DIS3L: variants seen among roughly 807,000 people sequenced by gnomAD.
DIS3L encodes DIS3-like exonuclease 1.
DIS3L carries 100 observed loss-of-function variants against 120.3 expected under a neutral mutation model. The ratio of observed to expected loss-of-function variants is 0.83; its 90% CI spans 0.71 to 0.98. DIS3L has a LOEUF of 0.98. DIS3L is among the 50% of genes least tolerant of loss of function. The pLI is 0.00. For missense variants in DIS3L, 1,196 were observed against 1,314.2 expected, an observed-to-expected ratio of 0.91 and a Z score of 1.39; for synonymous variants, 426 against 470.6, an observed-to-expected ratio of 0.91 and a Z score of 1.23.
chr15:66,293,647 C>A lies in DIS3L; in HGVS notation c.51C>A (p.Arg17=). The change falls in exon 1 of 17, where the codon CGC becomes CGA. Residue 17 remains arginine (R), a synonymous_variant. Transcript: ENST00000319212. The stretch of plus-strand genomic sequence containing the variant: ...TGCTGCTGAGGACCTTCCAGGGCCG[C>A]ACGCTGCGGATCGTGCGCGAGCACT... ...KVLLLRTFQG[R]TLRIVREHYL... The A allele has an allele frequency of 6.9e-7, 1 of 1,439,644 alleles. No homozygotes were observed. The allele number at this position is 1,439,644 out of a possible 1,614,324, so 89.2% of individuals were successfully genotyped here.
At position 66,322,824 on chromosome 15, in the gene DIS3L, A is replaced by G; in HGVS notation, c.1464A>G (p.Thr488=). 2 of 1,614,164 alleles carry G rather than the reference A, an allele frequency of 1.2e-6. No individual in the cohort carries two copies. The highest frequency in any genetic ancestry group is 1.7e-6 in the Non-Finnish European group (2 of 1,180,018). ...DPKGCEDVDD[T]LSVRTLNNGN... ...AAGGTTGTGAAGATGTGGATGACAC[A>G]CTCTCAGTCAGAACCTTAAATAATG... Residue 488 remains threonine, a synonymous_variant, in exon 10 of 17, where the codon ACA becomes ACG. Transcript: ENST00000319212.
intron 3 of DIS3L, among the ~76,000 whole-genome samples, chr15:66,307,382 G>A (rs545597377): frequency 6.6e-6 from 1 of 151,416 alleles, no homozygotes; most frequent in Non-Finnish European, 1.5e-5. Flanking sequence ...CTGCAGCCTC[G>A]ACCTCCTGAG....
intron 2 of DIS3L, among the ~76,000 whole-genome samples, chr15:66,300,498 C>G (rs768263499): frequency 2.0e-5 from 3 of 152,126 alleles, no homozygotes; most frequent in Non-Finnish European, 4.4e-5. Context: ...ATAACTGTGA[C>G]TATACTAAAA....
At chr15:66,294,253 CTG>C in intron 1 of DIS3L, 1 of 985,478 alleles carries the variant, frequency 1.0e-6, no homozygotes, top group Non-Finnish European at 1.2e-6. Context: ...TGTGAACTCT[CTG>C]GGCCCGCACT....
intron 5 of DIS3L, 63 bp downstream of exon 5, chr15:66,311,963 C>A: frequency 1.3e-6 from 2 of 1,580,320 alleles, no homozygotes; most frequent in Non-Finnish European, 8.6e-7. Flanking sequence ...GTAATCCCAG[C>A]ACTTTGGCTA....
In DIS3L at chr15:66,293,622, T is replaced by G. The variant is rs1432304961; in HGVS notation, c.26T>G (p.Leu9Arg). The G allele has an allele frequency of 6.9e-7, 1 of 1,447,154 alleles. No individual in the cohort carries two copies. Among genetic ancestry groups the G allele is most frequent in the African/African-American group, 1.5e-5 (1 of 67,392 alleles). The allele number at this position is 1,447,154 out of a possible 1,614,324, so 89.6% of individuals were successfully genotyped here. MLQKREKV[L>R]LLRTFQGRTL... ...ATGCTGCAGAAGCGGGAGAAGGTGC[T>G]GCTGCTGAGGACCTTCCAGGGCCGC... The change falls in exon 1 of 17, where the codon CTG (leucine) becomes CGG (arginine). Residue 9 changes from leucine (L) to arginine (R), a missense_variant. Physicochemically the swap from Leu to Arg is moderately radical, Grantham distance 102 (BLOSUM62 -2). Coordinates refer to ENST00000319212, the MANE Select transcript of DIS3L (RefSeq NM_001143688.3).
chr15:66,304,265 A>G (rs1006303671), intron 2 of DIS3L, among the ~76,000 whole-genome samples: 2 of 151,964 alleles, frequency 1.3e-5, no homozygotes, highest in African/African-American at 2.4e-5. Flanking sequence ...AGCCTGGGCA[A>G]CATGACAAGA....
rs540675923 is a variant in DIS3L at position 66,333,445 on chromosome 15, T to A, written c.*133T>A. On this transcript the variant is annotated 3_prime_UTR_variant, in exon 17 of 17. Transcript: ENST00000319212. ...GCTATTTCGCATATATGTAAAATGTTCTCAGCCGGGCACGGTGGCTCACGC... is the reference window on the plus strand; with the variant it reads ...GCTATTTCGCATATATGTAAAATGTACTCAGCCGGGCACGGTGGCTCACGC... 4.8e-6 allele frequency: 5 copies of A among 1,041,192 alleles called. No homozygotes were observed. In the East Asian group the frequency reaches 1.1e-4, roughly 22 times the overall value. 64.5% of individuals were successfully genotyped at this position (1,041,192 alleles called of 1,614,324 possible).
Position 66,333,209 on chromosome 15 carries a change from A to T in DIS3L, c.3062A>T (p.Glu1021Val), listed in dbSNP as rs753402517. The change falls in exon 17 of 17, where the codon GAA becomes GTA. Residue 1021 changes from glutamate to valine, a missense_variant. Physicochemically the swap from Glu to Val is moderately radical, Grantham distance 121 (BLOSUM62 -2). Coordinates refer to ENST00000319212, the MANE Select transcript of DIS3L (RefSeq NM_001143688.3). ...QEVKVNIIQE[E>V]YQEYRQTKGR... ...GTCAAAGTAAACATCATTCAGGAGGAATATCAAGAATATCGCCAAACAAAG... is the reference window on the plus strand; with the variant it reads ...GTCAAAGTAAACATCATTCAGGAGGTATATCAAGAATATCGCCAAACAAAG... 3 of 1,614,020 alleles carry T rather than the reference A, an allele frequency of 1.9e-6. No individual in the cohort carries two copies. In the South Asian group the frequency reaches 3.3e-5, roughly 18 times the overall value.
chr15:66,314,214 C>T (rs918555509), intron 6 of DIS3L, 97 bp downstream of exon 6: 17 of 1,012,680 alleles, frequency 1.7e-5, no homozygotes, highest in Non-Finnish European at 2.2e-5. Context: ...TCATATGTGC[C>T]CTGTTATGTA....
Position 66,306,829 on chromosome 15 carries a change from A to T in DIS3L, c.299A>T (p.Tyr100Phe), listed in dbSNP as rs1484456750. ...TTTTCTCCTCCGTGTCACAGACAGTATAACAAACTGCGAAACCTGCTGAAG... is the reference window on the plus strand; with the variant it reads ...TTTTCTCCTCCGTGTCACAGACAGTTTAACAAACTGCGAAACCTGCTGAAG... ...AVQHQRGRRQ[Y>F]NKLRNLLKDA... is the part of the protein sequence containing the mutation. Residue 100 changes from tyrosine to phenylalanine, a missense_variant, in exon 3 of 17, where the codon TAT becomes TTT. By Grantham distance (22) the Tyr-to-Phe change is conservative (BLOSUM62 3). Transcript: ENST00000319212. The T allele has an allele frequency of 6.2e-7, 1 of 1,614,006 alleles. No individual in the cohort carries two copies. Among genetic ancestry groups the T allele is most frequent in the Non-Finnish European group, 8.5e-7 (1 of 1,179,994 alleles).
intron 6 of DIS3L, 181 bp from the exon 7 acceptor site, chr15:66,314,855 C>T: frequency 1.7e-6 from 1 of 580,870 alleles, no homozygotes; most frequent in Non-Finnish European, 3.0e-6. Flanking sequence ...TACAGTATGA[C>T]ATGGTGCCAG....
chr15:66,320,624 A>G lies in DIS3L; in HGVS notation c.1218A>G (p.Pro406=). The change falls in exon 9 of 17, where the codon CCA becomes CCG. Residue 406 remains proline (P), a synonymous_variant. Coordinates refer to ENST00000319212, the MANE Select transcript of DIS3L (RefSeq NM_001143688.3). ...CCTGGGAGTCAACATCTGTGTATCC[A>G]AATGGACATTTTGTGCGTGTTTTAG... ...IDSWESTSVY[P]NGHFVRVLGR... is the part of the protein sequence containing the mutation. 1 of 1,614,184 alleles carries G rather than the reference A, an allele frequency of 6.2e-7. No homozygotes were observed. Among genetic ancestry groups the G allele is most frequent in the Non-Finnish European group, 8.5e-7 (1 of 1,180,020 alleles).
intron 12 of DIS3L, 119 bp from the exon 13 acceptor site, chr15:66,328,851 C>T: frequency 1.5e-6 from 2 of 1,323,798 alleles, no homozygotes; most frequent in African/African-American, 2.9e-5. Context: ...GAAACGTGTC[C>T]AAAACAAATT....
intron 11 of DIS3L, among the ~76,000 whole-genome samples, chr15:66,324,188 C>T (rs980589001): frequency 7.2e-5 from 11 of 152,052 alleles, no homozygotes; most frequent in African/African-American, 2.4e-4. Context: ...TAGCACCTTC[C>T]TTTTAAAAAA....
At chr15:66,298,218 T>C (rs1037106616) in intron 2 of DIS3L, among the ~76,000 whole-genome samples, 2 of 147,876 alleles carry the variant, frequency 1.4e-5, no homozygotes, top group African/African-American at 2.5e-5. Context: ...ATTGAAATTG[T>C]AGAATATTAT....
intron 11 of DIS3L, among the ~76,000 whole-genome samples, chr15:66,325,288 G>T (rs937344989): frequency 6.6e-6 from 1 of 152,150 alleles, no homozygotes; most frequent in East Asian, 1.9e-4. Context: ...CAGCTACTCA[G>T]GTGGCTGAGG....
chr15:66,314,984 G>C, intron 6 of DIS3L, 52 bp from the exon 7 acceptor site: 2 of 1,583,892 alleles, frequency 1.3e-6, no homozygotes, highest in Non-Finnish European at 1.7e-6. Context: ...TGCCTCACTG[G>C]TGTGCCATTC....
chr15:66,306,291 A>C (rs1178614295), intron 2 of DIS3L, among the ~76,000 whole-genome samples: 1 of 152,220 alleles, frequency 6.6e-6, no homozygotes, highest in African/African-American at 2.4e-5. Flanking sequence ...CTGACAGATG[A>C]GGCTAGCTCT....
Sources: allele counts gnomAD v4.1 joint callset (sites outside exome capture counted in the v4.1 genomes callset), GRCh38; gene constraint gnomAD v4.1.1; transcripts MANE v1.5; gene names NCBI Gene and HGNC (gene_info 2026-07-23, HGNC 2026-07-21).